Variants in NFE2 observed in about 807,000 individuals in gnomAD.
NFE2 encodes the protein transcription factor NF-E2 45 kDa subunit.
A neutral mutation model predicts 25.8 loss-of-function variants in NFE2; 13 were observed. The ratio of observed to expected loss-of-function variants is 0.50; its 90% CI spans 0.33 to 0.80. NFE2 has a LOEUF of 0.80. Among genes scored for constraint, NFE2 ranks in the 30% least tolerant of loss-of-function variants. The pLI is 0.02. For missense variants in NFE2, 382 were observed against 478.9 expected (o/e 0.80, Z 1.89); for synonymous variants, 204 against 200.2 (o/e 1.02, Z -0.16).
rs141251053 is a variant in NFE2 at position 54,292,402 on chromosome 12, C to G, written c.1094G>C (p.Arg365Pro). ...AADGTIFLVP[R>P]GTKMEATD ...GTCTGTGGCCTCCATCTTGGTCCCC[C>G]GGGGCACAAGGAAGATGGTCCCATC... is the stretch of plus-strand genomic sequence containing the variant. The change falls in exon 3 of 3, where the codon CGG becomes CCG. Residue 365 changes from arginine to proline, a missense_variant. Physicochemically the swap from Arg to Pro is moderately radical, Grantham distance 103 (BLOSUM62 -2). Transcript: ENST00000435572. The G allele has an allele frequency of 9.6e-4, 1,543 of 1,614,032 alleles. No homozygotes were observed. The highest frequency in any genetic ancestry group is 1.2e-3 in the Non-Finnish European group (1,458 of 1,179,898).
Position 54,293,183 on chromosome 12 carries a change from G to C in NFE2, c.313C>G (p.Pro105Ala). The C allele has an allele frequency of 6.4e-7, 1 of 1,572,878 alleles. No homozygotes were observed. Among genetic ancestry groups the C allele is most frequent in the Non-Finnish European group, 8.6e-7 (1 of 1,157,022 alleles). ...PPYSYGNMAI[P>A]VSKPLSLSGL... ...GAGAGGCTCAGTGGCTTGGAGACTG[G>C]TATGGCCATGTTGCCATAGGAGTAT... Residue 105 changes from proline to alanine, a missense_variant, in exon 3 of 3, where the codon CCA (proline) becomes GCA (alanine). Pro to Ala is a conservative substitution (Grantham distance 27). Coordinates refer to ENST00000435572, the MANE Select transcript of NFE2 (RefSeq NM_001136023.3).
chr12:54,297,373 A>C (rs1377042089), intron 1 of NFE2, among the ~76,000 whole-genome samples: 3 of 150,428 alleles, frequency 2.0e-5, no homozygotes, highest in South Asian at 2.1e-4. Flanking sequence ...AAAAAAAAAA[A>C]AAAAAAACGG....
At chr12:54,299,302 G>A (rs942439876) in intron 1 of NFE2, among the ~76,000 whole-genome samples, 1 of 152,228 alleles carries the variant, frequency 6.6e-6, no homozygotes, top group Non-Finnish European at 1.5e-5. Context: ...CAGTGGGATA[G>A]ATCAGGGAGA....
Position 54,295,117 on chromosome 12 carries a change from C to T in NFE2, c.114+18G>A, listed in dbSNP as rs1266368205. ...TCTCCGACACACGGCCTCCCCTGCC[C>T]TATCCCCCCTTACTCACCTGCAGCT... On this transcript the variant is annotated intron_variant, in intron 2 of 2. Coordinates refer to ENST00000435572, the MANE Select transcript of NFE2 (RefSeq NM_001136023.3). The T allele has an allele frequency of 1.9e-6, 3 of 1,605,574 alleles. No individual in the cohort carries two copies. In the African/African-American group the frequency reaches 4.0e-5, roughly 21 times the overall value.
intron 2 of NFE2, 63 bp from the exon 3 acceptor site, chr12:54,293,444 A>C: frequency 1.4e-6 from 2 of 1,379,462 alleles, no homozygotes; most frequent in South Asian, 2.1e-5. Flanking sequence ...ACACTCTCTC[A>C]GGAACAAGCT....
At position 54,293,314 on chromosome 12, in the gene NFE2, G is replaced by C; in HGVS notation, c.182C>G (p.Pro61Arg). 2 of 1,600,788 alleles carry C rather than the reference G, an allele frequency of 1.2e-6. No individual in the cohort carries two copies. Among genetic ancestry groups the C allele is most frequent in the Non-Finnish European group, 8.5e-7 (1 of 1,172,318 alleles). ...TGAGCAGGGGCAGTAAGTTGTGGGT[G>C]GTGGAGGTCCAAGGTATGGAGCTGG... Reference protein sequence around the residue: ...QAPAPYLGPPPPTTYCPCSIH... With the variant: ...QAPAPYLGPPRPTTYCPCSIH... Residue 61 changes from proline (P) to arginine (R), a missense_variant, in exon 3 of 3, where the codon CCA (proline) becomes CGA (arginine). Physicochemically the swap from Pro to Arg is moderately radical, Grantham distance 103. Coordinates refer to ENST00000435572, the MANE Select transcript of NFE2 (RefSeq NM_001136023.3).
Position 54,292,399 on chromosome 12 carries a change from C to A in NFE2, c.1097G>T (p.Gly366Val), listed in dbSNP as rs1422724123. ...ADGTIFLVPR[G>V]TKMEATD ...TCAGTCTGTGGCCTCCATCTTGGTC[C>A]CCCGGGGCACAAGGAAGATGGTCCC... Residue 366 changes from glycine to valine, a missense_variant, in exon 3 of 3, where the codon GGG becomes GTG. Gly to Val is a moderately radical substitution (Grantham distance 109). Coordinates refer to ENST00000435572, the MANE Select transcript of NFE2 (RefSeq NM_001136023.3). The A allele has an allele frequency of 3.7e-6, 6 of 1,613,882 alleles. No individual in the cohort carries two copies. Among genetic ancestry groups the A allele is most frequent in the Non-Finnish European group, 5.1e-6 (6 of 1,179,894 alleles).
At chr12:54,296,129 G>A (rs986290579) in intron 1 of NFE2, among the ~76,000 whole-genome samples, 4 of 152,110 alleles carry the variant, frequency 2.6e-5, no homozygotes, top group African/African-American at 7.2e-5. Flanking sequence ...GGTTTTCATC[G>A]GGCGCGGTGG....
rs1198484888 is a variant in NFE2 at position 54,292,620 on chromosome 12, C to T, written c.876G>A (p.Val292=). The change falls in exon 3 of 3, where the codon GTG becomes GTA. Residue 292 remains valine, a synonymous_variant. Transcript: ENST00000435572. Reference sequence around the variant, plus strand: ...GCCGCTCCAGCTCCCGCTCCAGCTGCACAATGGTTTCCAGCTTCCTCTTGC... The same window carrying T: ...GCCGCTCCAGCTCCCGCTCCAGCTGTACAATGGTTTCCAGCTTCCTCTTGC... ...NCRKRKLETI[V]QLERELERLT... is the part of the protein sequence containing the mutation. 1 of 1,614,112 alleles carries T rather than the reference C, an allele frequency of 6.2e-7. No individual in the cohort carries two copies. Among genetic ancestry groups the T allele is most frequent in the African/African-American group, 1.3e-5 (1 of 74,946 alleles).
intron 1 of NFE2, among the ~76,000 whole-genome samples, chr12:54,298,116 C>G (rs1027077598): frequency 3.4e-4 from 52 of 152,294 alleles, no homozygotes; most frequent in African/African-American, 1.2e-3. Context: ...CCCAATCCCC[C>G]CATTTGTCTC....
At position 54,292,591 on chromosome 12, in the gene NFE2, G is replaced by A. The variant is rs775502451; in HGVS notation, c.905C>T (p.Thr302Ile). Reference protein sequence around the residue: ...VQLERELERLTNERERLLRAR... With the variant: ...VQLERELERLINERERLLRAR... ...CCTGAGAAGCCGCTCCCGTTCATTG[G>A]TCAGCCGCTCCAGCTCCCGCTCCAG... is the stretch of plus-strand genomic sequence containing the variant. The change falls in exon 3 of 3, where the codon ACC (threonine) becomes ATC (isoleucine). Residue 302 changes from threonine to isoleucine, a missense_variant. By Grantham distance (89) the Thr-to-Ile change is moderately conservative (BLOSUM62 -1). Coordinates refer to ENST00000435572, the MANE Select transcript of NFE2 (RefSeq NM_001136023.3). 1.1e-5 allele frequency: 17 copies of A among 1,614,160 alleles called. No homozygotes were observed. The East Asian group carries it at 3.6e-4, about 34-fold the overall frequency.
chr12:54,293,295 G>A lies in NFE2; in HGVS notation c.201C>T (p.Pro67=). The A allele has an allele frequency of 6.2e-7, 1 of 1,609,298 alleles. No individual in the cohort carries two copies. The highest frequency in any genetic ancestry group is 8.5e-7 in the Non-Finnish European group (1 of 1,177,374). The change falls in exon 3 of 3, where the codon CCC becomes CCT. Residue 67 remains proline, a synonymous_variant. Coordinates refer to ENST00000435572, the MANE Select transcript of NFE2 (RefSeq NM_001136023.3). ...AGCCAGAATCTGGGTGGATTGAGCA[G>A]GGGCAGTAAGTTGTGGGTGGTGGAG... ...LGPPPPTTYC[P]CSIHPDSGFP...
chr12:54,294,558 A>G (rs1345117999), intron 2 of NFE2, among the ~76,000 whole-genome samples: 1 of 152,182 alleles, frequency 6.6e-6, no homozygotes, highest in African/African-American at 2.4e-5. Flanking sequence ...GCCCAGGTGC[A>G]GCGAGAAGTA....
chr12:54,299,751 G>A (rs1045156806), intron 1 of NFE2, among the ~76,000 whole-genome samples: 2 of 152,134 alleles, frequency 1.3e-5, no homozygotes, highest in Non-Finnish European at 2.9e-5. Context: ...GAGGGGGAAC[G>A]ATGAGAGGGG....
Position 54,293,366 on chromosome 12 carries a change from T to C in NFE2, c.130A>G (p.Ser44Gly). 8 of 1,523,414 alleles carry C rather than the reference T, an allele frequency of 5.3e-6. No individual in the cohort carries two copies. Among genetic ancestry groups the C allele is most frequent in the Non-Finnish European group, 7.1e-6 (8 of 1,129,022 alleles). 94.4% of individuals were successfully genotyped at this position (1,523,414 alleles called of 1,614,324 possible). A position where few individuals can be genotyped will look rare whatever the true frequency, so the allele number is the denominator to read the frequency against. Reference sequence around the variant, plus strand: ...GCTTGGGGCTCAAATGATGGCTCACTTGGAGCATTCAGACCCTGCAAGGAA... The same window carrying C: ...GCTTGGGGCTCAAATGATGGCTCACCTGGAGCATTCAGACCCTGCAAGGAA... ...ITELQGLNAP[S>G]EPSFEPQAPA... Residue 44 changes from serine (S) to glycine (G), a missense_variant, in exon 3 of 3, where the codon AGT (serine) becomes GGT (glycine). Physicochemically the swap from Ser to Gly is moderately conservative, Grantham distance 56. Transcript: ENST00000435572.
At chr12:54,297,324 G>A (rs1278353607) in intron 1 of NFE2, among the ~76,000 whole-genome samples, 9 of 131,634 alleles carry the variant, frequency 6.8e-5, no homozygotes, top group Non-Finnish European at 1.1e-4. Context: ...CACCGCACTC[G>A]AGAGCCTGGG....
intron 1 of NFE2, among the ~76,000 whole-genome samples, chr12:54,298,270 G>C (rs745780388): frequency 2.8e-4 from 43 of 152,194 alleles, no homozygotes; most frequent in Non-Finnish European, 5.3e-4. Context: ...CACTTTGGGA[G>C]GCCAAGATGG....
At position 54,292,968 on chromosome 12, in the gene NFE2, G is replaced by T. The variant is rs981115540; in HGVS notation, c.528C>A (p.Tyr176Ter). 2 of 1,568,262 alleles carry T rather than the reference G, an allele frequency of 1.3e-6. No individual in the cohort carries two copies. The highest frequency in any genetic ancestry group is 1.7e-6 in the Non-Finnish European group (2 of 1,156,376). Reference sequence around the variant, plus strand: ...TGAGTGAGTAGGGGTACTCCACTGGGTACATCTCTACATATTCGCTGCGCC... The same window carrying T: ...TGAGTGAGTAGGGGTACTCCACTGGTTACATCTCTACATATTCGCTGCGCC... ...GRRRSEYVEM[Y>*]PVEYPYSLMP... Residue 176 changes from tyrosine to a stop codon, truncating the protein, a stop_gained, in exon 3 of 3, where the codon TAC (tyrosine) becomes TAA (stop). Coordinates refer to ENST00000435572, the MANE Select transcript of NFE2 (RefSeq NM_001136023.3). LOFTEE classifies it high-confidence loss of function.
intron 1 of NFE2, chr12:54,295,531 A>AGCTGTATCACCCTGTTCCTGCTCTGCTGG: frequency 3.1e-6 from 1 of 326,000 alleles, no homozygotes. Context: ...TTGGTAGCAC[A>AGCTGTATCACCCTGTTCCTGCTCTGCTGG]GGAGGTCTTT....
Sources: allele counts gnomAD v4.1 joint callset (sites outside exome capture counted in the v4.1 genomes callset), GRCh38; gene constraint gnomAD v4.1.1; transcripts MANE v1.5; gene names NCBI Gene and HGNC (gene_info 2026-07-23, HGNC 2026-07-21).